FBXO31: variants seen among roughly 807,000 people sequenced by gnomAD.
FBXO31 encodes the protein F-box protein 31, also known as F-box only protein 31.
Under a neutral mutation model 54.4 loss-of-function variants are expected in FBXO31, and 24 were observed. The observed-to-expected ratio is 0.44, with a 90% CI of 0.32 to 0.62. The LOEUF (loss-of-function observed/expected upper bound fraction) is 0.62. FBXO31 is among the 20% of genes least tolerant of loss of function. The pLI is 0.05. For missense variants in FBXO31, 665 were observed against 787.1 expected, an observed-to-expected ratio of 0.84 and a Z score of 1.86; for synonymous variants, 388 against 335.6, an observed-to-expected ratio of 1.16 and a Z score of -1.71.
rs1054505763 is a variant in FBXO31 at position 87,353,713 on chromosome 16, G to A, written c.413-6463C>T. Among the ~76,000 whole-genome samples the A allele has an allele frequency of 5.3e-5, 8 of 151,632 alleles. 1 individual carries two copies. Among genetic ancestry groups the A allele is most frequent in the Admixed American group, 1.3e-4 (2 of 15,238 alleles). On this transcript the variant is annotated intron_variant, in intron 2 of 8. Coordinates refer to ENST00000311635, the MANE Select transcript of FBXO31 (RefSeq NM_024735.5). The stretch of plus-strand genomic sequence containing the variant: ...AGGAGGCTCCGCAAGACCCTTCGGC[G>A]GGAGCAGGGCCCCAGACACCTTGTC...
chr16:87,378,171 C>G (rs1483643216), intron 1 of FBXO31, among the ~76,000 whole-genome samples: 5 of 148,240 alleles, frequency 3.4e-5, no homozygotes, highest in Non-Finnish European at 7.5e-5. Flanking sequence ...AAAAAAAAAA[C>G]AAAACAAAAC....
intron 1 of FBXO31, among the ~76,000 whole-genome samples, chr16:87,361,597 C>G (rs1049411157): frequency 6.6e-6 from 1 of 152,216 alleles, no homozygotes; most frequent in Non-Finnish European, 1.5e-5. Flanking sequence ...AACGTCGATA[C>G]GATGCGGTCA....
chr16:87,364,670 C>G (rs1313388373), intron 1 of FBXO31, among the ~76,000 whole-genome samples: 1 of 152,152 alleles, frequency 6.6e-6, no homozygotes, highest in Non-Finnish European at 1.5e-5. Flanking sequence ...GACTTATCAG[C>G]TACAGTGAAC....
chr16:87,380,298 A>C (rs1907020329), intron 1 of FBXO31, among the ~76,000 whole-genome samples: 2 of 146,944 alleles, frequency 1.4e-5, no homozygotes, highest in Non-Finnish European at 3.0e-5. Context: ...CTCCGTCTCA[A>C]AAAAAAAAAA....
intron 1 of FBXO31, among the ~76,000 whole-genome samples, chr16:87,368,389 T>C (rs1489412753): frequency 2.6e-5 from 4 of 152,218 alleles, no homozygotes; most frequent in African/African-American, 9.6e-5. Flanking sequence ...TCATAAGTCA[T>C]CAAGGGAAAC....
intron 2 of FBXO31, among the ~76,000 whole-genome samples, chr16:87,357,324 GTTCT>G (rs1309774677): frequency 1.4e-5 from 2 of 144,906 alleles, no homozygotes; most frequent in African/African-American, 2.5e-5. Flanking sequence ...AAAGAATTCG[GTTCT>G]TTTTTTTTTT....
intron 2 of FBXO31, among the ~76,000 whole-genome samples, chr16:87,354,892 G>A (rs1482080920): frequency 2.0e-5 from 3 of 152,068 alleles, no homozygotes; most frequent in South Asian, 4.1e-4. Context: ...CACTTGAACC[G>A]GGAGGTGGAG....
At chr16:87,357,658 C>A (rs920768293) in intron 2 of FBXO31, among the ~76,000 whole-genome samples, 4 of 152,034 alleles carry the variant, frequency 2.6e-5, no homozygotes, top group East Asian at 1.9e-4. Context: ...AAAGAGTCAA[C>A]TGTTAGCCAG....
At position 87,331,295 on chromosome 16, in the gene FBXO31, G is replaced by T. The variant is rs760260728; in HGVS notation, c.1613C>A (p.Thr538Asn). The T allele has an allele frequency of 6.2e-7, 1 of 1,613,858 alleles. No homozygotes were observed. The highest frequency in any genetic ancestry group is 8.5e-7 in the Non-Finnish European group (1 of 1,179,856). ...CGGCAAGGATGTGGCCGGTCAGGAG[G>T]TGAGGGACTGAATGTTCTTGAGCAT... ...DEMLKNIQSLTS is the reference protein window; with the variant it reads ...DEMLKNIQSLNS Residue 538 changes from threonine (T) to asparagine (N), a missense_variant, in exon 9 of 9, where the codon ACC (threonine) becomes AAC (asparagine). Physicochemically the swap from Thr to Asn is moderately conservative, Grantham distance 65 (BLOSUM62 0). Around this residue, in one of 4 missense-constraint regions of FBXO31, gnomAD observed 71 missense variants for 105.8 expected, o/e 0.67. Transcript: ENST00000311635.
chr16:87,388,071 T>G (rs1035628118), upstream of FBXO31, among the ~76,000 whole-genome samples: 3 of 152,210 alleles, frequency 2.0e-5, no homozygotes, highest in African/African-American at 7.2e-5. Context: ...TTGTTTAGAA[T>G]TAAACAAACA....
rs925344372 is a variant in FBXO31, at chr16:87,338,796, C to T, written c.733-2532G>A. Among the ~76,000 whole-genome samples, 21 of 152,142 alleles carry T rather than the reference C, an allele frequency of 1.4e-4. No homozygotes were observed. Among genetic ancestry groups the T allele is most frequent in the Admixed American group, 1.4e-3 (21 of 15,280 alleles). On this transcript the variant is annotated intron_variant, in intron 5 of 8. Transcript: ENST00000311635. This position sits in a 1 kb window ranked among gnomAD's most constrained non-coding sequence, Gnocchi z 4.3. ...CAGACAGGACTCCACTCCCTTGGAA[C>T]CTGCTTGATGTGGTTTGGCTGTGTC...
chr16:87,375,497 T>A (rs1176555476), intron 1 of FBXO31, among the ~76,000 whole-genome samples: 5 of 151,556 alleles, frequency 3.3e-5, no homozygotes, highest in Admixed American at 2.6e-4. Flanking sequence ...TCTCAAAAAA[T>A]AAATAAATAA....
upstream of FBXO31, among the ~76,000 whole-genome samples, chr16:87,390,812 G>T (rs1182604795): frequency 6.6e-6 from 1 of 151,726 alleles, no homozygotes; most frequent in Non-Finnish European, 1.5e-5. Context: ...GCCCAGTCAG[G>T]TCTCAAACTC....
chr16:87,383,970 CGT>C, upstream of FBXO31: 1 of 249,216 alleles, frequency 4.0e-6, no homozygotes, highest in Non-Finnish European at 7.5e-6. This position sits in a 1 kb window ranked among gnomAD's most constrained non-coding sequence, Gnocchi z 4.9. Flanking sequence ...GGGCGCCGCC[CGT>C]GACGGGCATG....
intron 1 of FBXO31, among the ~76,000 whole-genome samples, chr16:87,371,310 C>T (rs1256567774): frequency 1.3e-5 from 2 of 152,248 alleles, no homozygotes; most frequent in East Asian, 3.8e-4. Flanking sequence ...ACTTCCGCCC[C>T]TCCTCTGGCA....
At chr16:87,353,954 C>A (rs1260578309) in intron 2 of FBXO31, among the ~76,000 whole-genome samples, 6 of 152,262 alleles carry the variant, frequency 3.9e-5, no homozygotes, top group Non-Finnish European at 1.5e-5. Flanking sequence ...GGCTTGGGGA[C>A]TAGGATGCGG....
intron 1 of FBXO31, chr16:87,388,796 T>C (rs1907413086): frequency 6.6e-6 from 1 of 152,226 alleles, no homozygotes; most frequent in Non-Finnish European, 1.5e-5. Context: ...ACTGCTGGAC[T>C]TTGAAGAATG....
intron 1 of FBXO31, among the ~76,000 whole-genome samples, chr16:87,374,900 C>T (rs996056199): frequency 6.6e-6 from 1 of 152,186 alleles, no homozygotes; most frequent in African/African-American, 2.4e-5. Context: ...TGAACAGTGC[C>T]GACTGGGCGT....
At chr16:87,375,292 G>C (rs2150695716) in intron 1 of FBXO31, among the ~76,000 whole-genome samples, 1 of 152,184 alleles carries the variant, frequency 6.6e-6, no homozygotes, top group South Asian at 2.1e-4. Flanking sequence ...GGGTGACAGA[G>C]CGAGACGCCG....
Sources: gnomAD v4.1 joint callset for allele counts (sites outside exome capture counted in the v4.1 genomes callset) on GRCh38, gnomAD v4.1.1 for gene constraint, gnomAD v4.1.1 regional missense constraint, Gnocchi (gnomAD v3.1) non-coding constraint, MANE v1.5 for transcripts, NCBI Gene and HGNC (gene_info 2026-07-23, HGNC 2026-07-21) for gene names.